ZRANB2: variants seen among roughly 807,000 people sequenced by gnomAD.
The protein encoded by ZRANB2 is zinc finger Ran-binding domain-containing protein 2.
In ZRANB2, 19 loss-of-function variants were observed where a neutral mutation model predicts 53.4. The observed-to-expected ratio is 0.36, with a 90% CI of 0.25 to 0.52. ZRANB2 has a LOEUF of 0.52. Ranked by LOEUF, ZRANB2 falls within the 20% of genes least tolerant of loss-of-function variation. The pLI is 0.93. For synonymous variants in ZRANB2, 145 were observed against 134.8 expected, an observed-to-expected ratio of 1.08 and a Z score of -0.52; for missense variants, 309 against 401.1, an observed-to-expected ratio of 0.77 and a Z score of 1.96.
chr1:71,072,102 G>C lies in ZRANB2; in HGVS notation c.513+19C>G. On this transcript the variant is annotated intron_variant, in intron 6 of 9. Transcript: ENST00000370920. Reference sequence around the variant, plus strand: ...ACTCCAATAAGACAAAAGGGAAATAGGACAAGAAAATTGTTCACCTCATCT... The same window carrying C: ...ACTCCAATAAGACAAAAGGGAAATACGACAAGAAAATTGTTCACCTCATCT... The C allele has an allele frequency of 6.2e-7, 1 of 1,601,330 alleles. No homozygotes were observed. Among genetic ancestry groups the C allele is most frequent in the South Asian group, 1.1e-5 (1 of 88,430 alleles).
At chr1:71,077,018 A>G in intron 3 of ZRANB2, 141 bp from the exon 4 acceptor site, 1 of 682,340 alleles carries the variant, frequency 1.5e-6, no homozygotes, top group South Asian at 2.1e-5. Flanking sequence ...GTAAACAAAG[A>G]AAATGTACAG....
chr1:71,065,223 A>G (rs892561831), intron 9 of ZRANB2, 86 bp from the exon 10 acceptor site: 1 of 1,076,710 alleles, frequency 9.3e-7, no homozygotes, highest in African/African-American at 1.6e-5. Flanking sequence ...AAAGTATACA[A>G]AATTCAGTAC....
At position 71,076,871 on chromosome 1, in the gene ZRANB2, G is replaced by A. The variant is rs535002469; in HGVS notation, c.225C>T (p.Ser75=). Residue 75 remains serine, a synonymous_variant, in exon 4 of 10, where the codon AGC becomes AGT. Transcript: ENST00000370920. Reference sequence around the variant, plus strand: ...CTGATCTTCTGGCCCAATTCACATTGCTGCAACTTTAGAAGTGAAAAATAC... The same window carrying A: ...CTGATCTTCTGGCCCAATTCACATTACTGCAACTTTAGAAGTGAAAAATAC... ...SANDWQCKTC[S]NVNWARRSEC... 6.2e-7 allele frequency: 1 copy of A among 1,611,522 alleles called. No individual in the cohort carries two copies. Among genetic ancestry groups the A allele is most frequent in the Admixed American group, 1.7e-5 (1 of 59,736 alleles).
intron 2 of ZRANB2, 45 bp from the exon 3 acceptor site, chr1:71,078,610 A>G: frequency 1.2e-6 from 2 of 1,609,380 alleles, no homozygotes; most frequent in Non-Finnish European, 1.7e-6. Flanking sequence ...AGAAATAAAT[A>G]AATGATACAT....
intron 9 of ZRANB2, chr1:71,066,573 A>C: frequency 2.4e-6 from 1 of 424,240 alleles, no homozygotes; most frequent in Non-Finnish European, 4.1e-6. Flanking sequence ...AAAATGATCA[A>C]AGAATGGTTT....
Position 71,066,948 on chromosome 1 carries a change from GAAAC to G in ZRANB2, c.771-18_771-15del. On this transcript the variant is annotated splice_polypyrimidine_tract_variant and intron_variant, in intron 8 of 9. Coordinates refer to ENST00000370920, the MANE Select transcript of ZRANB2 (RefSeq NM_203350.3). ...CTGGAGCTGGATCTTCATTGATTGA[GAAAC>G]AAATCAAACATTTCATTAAAAGAAG... is the stretch of plus-strand genomic sequence containing the variant. 6.5e-7 allele frequency: 1 copy of G among 1,542,540 alleles called. No individual in the cohort carries two copies. Among genetic ancestry groups the G allele is most frequent in the Non-Finnish European group, 8.7e-7 (1 of 1,145,892 alleles).
chr1:71,067,451 T>C, intron 8 of ZRANB2: 2 of 291,876 alleles, frequency 6.9e-6, no homozygotes, highest in South Asian at 3.1e-5. Flanking sequence ...CTGCTAAATA[T>C]TCAAGAAGAA....
intron 1 of ZRANB2, 66 bp from the exon 2 acceptor site, chr1:71,078,774 C>G: frequency 7.5e-7 from 1 of 1,329,598 alleles, no homozygotes. Context: ...TTAACTTGTC[C>G]TCACTACATA....
intron 3 of ZRANB2, among the ~76,000 whole-genome samples, chr1:71,077,651 C>T (rs755419854): frequency 1.8e-4 from 27 of 152,114 alleles, no homozygotes; most frequent in South Asian, 4.2e-4. Flanking sequence ...CTCAGGTGTT[C>T]GAGGCCATCC....
chr1:71,076,552 C>T (rs1187834650), intron 4 of ZRANB2, among the ~76,000 whole-genome samples: 2 of 152,114 alleles, frequency 1.3e-5, no homozygotes, highest in African/African-American at 4.8e-5. Context: ...GAGAATATTT[C>T]TGAAAGTATT....
Position 71,081,028 on chromosome 1 carries a change from A to C in ZRANB2, c.-33T>G, listed in dbSNP as rs192926108. Reference sequence around the variant, plus strand: ...GCCACCAGCACAGCCACCCGCAGCTATGTCTTCACAGGAGGAAAACGGGCC... The same window carrying C: ...GCCACCAGCACAGCCACCCGCAGCTCTGTCTTCACAGGAGGAAAACGGGCC... On this transcript the variant is annotated 5_prime_UTR_variant, in exon 1 of 10. Coordinates refer to ENST00000370920, the MANE Select transcript of ZRANB2 (RefSeq NM_203350.3). 6.2e-6 allele frequency: 10 copies of C among 1,614,018 alleles called. No individual in the cohort carries two copies. The highest frequency in any genetic ancestry group is 8.5e-6 in the Non-Finnish European group (10 of 1,179,942).
rs1661373419 is a variant in ZRANB2 at position 71,064,382 on chromosome 1, CAGAGA to C, written c.*687_*691del. The C allele has an allele frequency of 6.6e-6, 1 of 152,326 alleles. No individual in the cohort carries two copies. Among genetic ancestry groups the C allele is most frequent in the Non-Finnish European group, 1.5e-5 (1 of 67,908 alleles). 9.4% of individuals were successfully genotyped at this position (152,326 alleles called of 1,614,324 possible). On this transcript the variant is annotated 3_prime_UTR_variant, in exon 10 of 10. Coordinates refer to ENST00000370920, the MANE Select transcript of ZRANB2 (RefSeq NM_203350.3). ...TGTCTTTATCAAGCAACCGTATCAGCAGAGAAAAGATAAACTCTTAAGACTTTCTT... is the reference window on the plus strand; with the variant it reads ...TGTCTTTATCAAGCAACCGTATCAGCAAAGATAAACTCTTAAGACTTTCTT...
At chr1:71,065,830 T>C in intron 9 of ZRANB2, 1 of 1,581,216 alleles carries the variant, frequency 6.3e-7, no homozygotes, top group South Asian at 1.2e-5. Flanking sequence ...AGATAAAAAT[T>C]TGCAGAAGTG....
chr1:71,070,677 T>C, intron 7 of ZRANB2, 150 bp downstream of exon 7: 1 of 522,488 alleles, frequency 1.9e-6, no homozygotes, highest in South Asian at 4.2e-5. Flanking sequence ...TGTATGGTAC[T>C]AAGCTGAAAA....
At chr1:71,078,592 G>A (rs2101052513) in intron 2 of ZRANB2, 27 bp from the exon 3 acceptor site, 1 of 1,611,082 alleles carries the variant, frequency 6.2e-7, no homozygotes, top group Admixed American at 1.7e-5. Context: ...CATGCAATAT[G>A]AACCTGGAGA....
chr1:71,072,571 G>A (rs1312011795), intron 4 of ZRANB2, 23 bp from the exon 5 acceptor site: 1 of 1,554,902 alleles, frequency 6.4e-7, no homozygotes, highest in South Asian at 1.1e-5. Flanking sequence ...GGCACAAATT[G>A]TTACCCTATG....
intron 7 of ZRANB2, 181 bp from the exon 8 acceptor site, chr1:71,069,543 A>T (rs893152562): frequency 2.3e-5 from 10 of 430,280 alleles, no homozygotes; most frequent in African/African-American, 1.4e-4. Context: ...AAAGGTAATT[A>T]AAAAAATATC....
chr1:71,069,146 G>T, intron 8 of ZRANB2, 130 bp downstream of exon 8: 1 of 642,020 alleles, frequency 1.6e-6, no homozygotes, highest in Non-Finnish European at 2.6e-6. Context: ...TGAGGCAAGT[G>T]CATTAGTTTT....
chr1:71,072,217 A>G lies in ZRANB2; in HGVS notation c.417T>C (p.Val139=), dbSNP rs776941208. ...CTTCCTTTAATATAGATGCAGGACC[A>G]ACTGCTTTCCCTCTGTATTTTTTCT... ...RKKKKYRGKA[V]GPASILKEVE... The change falls in exon 6 of 10, where the codon GTT becomes GTC. Residue 139 remains valine (V), a synonymous_variant. Coordinates refer to ENST00000370920, the MANE Select transcript of ZRANB2 (RefSeq NM_203350.3). The G allele has an allele frequency of 6.2e-7, 1 of 1,611,702 alleles. No homozygotes were observed. Among genetic ancestry groups the G allele is most frequent in the Non-Finnish European group, 8.5e-7 (1 of 1,179,136 alleles).
Sources: gnomAD v4.1 joint callset for allele counts (sites outside exome capture counted in the v4.1 genomes callset) on GRCh38, gnomAD v4.1.1 for gene constraint, MANE v1.5 for transcripts, NCBI Gene and HGNC (gene_info 2026-07-23, HGNC 2026-07-21) for gene names.